Variants in FER observed in about 807,000 individuals in gnomAD.
The protein encoded by FER is FER tyrosine kinase.
A neutral mutation model predicts 111.0 loss-of-function variants in FER; 63 were observed. The observed-to-expected ratio is 0.57, with a 90% CI of 0.46 to 0.70. FER has a LOEUF of 0.70. Ranked by LOEUF, FER falls within the 30% of genes least tolerant of loss-of-function variation. The probability of loss-of-function intolerance (pLI) is 0.00; values close to 1 mark genes in which losing one functional copy is unlikely to be tolerated. For missense variants in FER, 914 were observed against 954.0 expected (o/e 0.96, Z 0.55); for synonymous variants, 327 against 313.9 (o/e 1.04, Z -0.44).
At chr5:109,119,446 G>C (rs527759867) in intron 17 of FER, among the ~76,000 whole-genome samples, 104 of 152,252 alleles carry the variant, frequency 6.8e-4, no homozygotes, top group Admixed American at 2.3e-3. Context: ...GTCAATTTTG[G>C]AATAAGTGCA....
At chr5:109,051,625 G>C in intron 16 of FER, 4 of 1,592,296 alleles carry the variant, frequency 2.5e-6, no homozygotes, top group Non-Finnish European at 2.6e-6. Flanking sequence ...AGACATAGGC[G>C]AGAGGGGAGC....
intron 10 of FER, among the ~76,000 whole-genome samples, chr5:108,910,032 C>T (rs1581160364): frequency 6.6e-6 from 1 of 151,846 alleles, no homozygotes; most frequent in African/African-American, 2.4e-5. Context: ...ATAATATGTA[C>T]TGCTCTTGTG....
rs909417167 is a variant in FER, at chr5:108,836,583, C to G, written c.481+776C>G. 3.0e-4 allele frequency among the ~76,000 whole-genome samples: 46 copies of G among 152,160 alleles called. No homozygotes were observed. The South Asian group carries it at 8.3e-3, about 27-fold the overall frequency. On this transcript the variant is annotated intron_variant, in intron 5 of 19. Transcript: ENST00000281092. ...CTAAATAAAGCGTTTATTAGAATCT[C>G]TATTTTATTTTGGTTCTTAAATTCA...
chr5:108,839,140 G>A (rs925656615), intron 5 of FER, among the ~76,000 whole-genome samples: 1 of 152,070 alleles, frequency 6.6e-6, no homozygotes, highest in African/African-American at 2.4e-5. Context: ...GCTGTTCATG[G>A]CCCATGTCAG....
chr5:109,014,663 T>C (rs972605803), intron 13 of FER, among the ~76,000 whole-genome samples: 26 of 152,178 alleles, frequency 1.7e-4, no homozygotes, highest in African/African-American at 6.3e-4. Flanking sequence ...ATCTATAAAT[T>C]ACCTTGGGCA....
intron 16 of FER, chr5:109,052,191 T>C (rs1772930518): frequency 1.2e-6 from 2 of 1,608,180 alleles, no homozygotes; most frequent in African/African-American, 2.7e-5. Flanking sequence ...GGTACAAGAG[T>C]ATGGGTACAG....
rs564691323 is a variant in FER, at chr5:108,808,258, A to AT, written c.207+9877dup. Among the ~76,000 whole-genome samples, 233 of 150,934 alleles carry AT rather than the reference A, an allele frequency of 1.5e-3. 1 individual carries two copies. The highest frequency in any genetic ancestry group is 2.7e-3 in the South Asian group (13 of 4,742). On this transcript the variant is annotated intron_variant, in intron 3 of 19. Transcript: ENST00000281092. ...TGTGTCTTTTTGTAGGTCTAGATGT[A>AT]TTTTTTTTGTGAATCTAGGTGCTTC...
Position 109,139,514 on chromosome 5 carries a change from T to A in FER, c.2048+38995T>A, listed in dbSNP as rs1753296511. Among the ~76,000 whole-genome samples the A allele has an allele frequency of 2.0e-5, 3 of 152,096 alleles. No homozygotes were observed. In the South Asian group the frequency reaches 6.2e-4, roughly 32 times the overall value. On this transcript the variant is annotated intron_variant, in intron 17 of 19. Coordinates refer to ENST00000281092, the MANE Select transcript of FER (RefSeq NM_005246.4). ...GGACATTGCTAAAAGATAGCAGTTT[T>A]TAAGAAAAAATGCTAAAAGAGAGCA...
chr5:108,955,941 G>A (rs1758367269), intron 12 of FER, among the ~76,000 whole-genome samples: 1 of 151,740 alleles, frequency 6.6e-6, no homozygotes, highest in Non-Finnish European at 1.5e-5. Context: ...GTAGGATTCA[G>A]TGGCATTTAG....
chr5:109,039,290 T>C (rs1409266339), intron 14 of FER, among the ~76,000 whole-genome samples: 1 of 152,052 alleles, frequency 6.6e-6, no homozygotes, highest in Non-Finnish European at 1.5e-5. Flanking sequence ...CTATAGTCGA[T>C]AGTTGGTATT....
chr5:109,165,754 T>G (rs1275154384), intron 17 of FER, among the ~76,000 whole-genome samples: 1 of 152,138 alleles, frequency 6.6e-6, no homozygotes, highest in Non-Finnish European at 1.5e-5. Context: ...GGTAAACATA[T>G]GTAACATACA....
At chr5:109,079,334 G>A (rs1410440841) in intron 16 of FER, among the ~76,000 whole-genome samples, 1 of 152,066 alleles carries the variant, frequency 6.6e-6, no homozygotes, top group Non-Finnish European at 1.5e-5. Context: ...TGTTTATTGG[G>A]AGGGGTGGGG....
At chr5:109,052,532 T>C (rs909573030) in intron 16 of FER, 108 of 713,794 alleles carry the variant, frequency 1.5e-4, no homozygotes, top group Non-Finnish European at 2.4e-4. Context: ...GAGGATGAAG[T>C]AAAATGAAAA....
Position 109,115,662 on chromosome 5 carries a change from T to C in FER, c.2048+15143T>C, listed in dbSNP as rs1401150208. ...ACAGATTTTGTGCAGTTTTTGTTTG[T>C]TTGTTTGTTTGTTTGTTTGTTTGGC... On this transcript the variant is annotated intron_variant, in intron 17 of 19. Coordinates refer to ENST00000281092, the MANE Select transcript of FER (RefSeq NM_005246.4). Among the ~76,000 whole-genome samples the C allele has an allele frequency of 3.3e-5, 5 of 151,722 alleles. No individual in the cohort carries two copies. In the South Asian group the frequency reaches 1.0e-3, roughly 31 times the overall value.
At chr5:108,915,556 G>T (rs543474287) in intron 10 of FER, among the ~76,000 whole-genome samples, 1 of 151,820 alleles carries the variant, frequency 6.6e-6, no homozygotes, top group South Asian at 2.1e-4. Flanking sequence ...AGTTTTTATG[G>T]AGCCTGAGCG....
chr5:108,994,178 T>G (rs1763699373), intron 13 of FER, among the ~76,000 whole-genome samples: 1 of 152,236 alleles, frequency 6.6e-6, no homozygotes, highest in South Asian at 2.1e-4. Flanking sequence ...TTTTGATATA[T>G]TAATCATGAA....
chr5:109,030,657 G>C (rs1046408385), intron 13 of FER, among the ~76,000 whole-genome samples: 1 of 152,132 alleles, frequency 6.6e-6, no homozygotes, highest in African/African-American at 2.4e-5. Context: ...GTTTCACTGA[G>C]GAAGGGCATC....
At chr5:108,850,662 G>A (rs76713790) in intron 5 of FER, among the ~76,000 whole-genome samples, 2,423 of 151,896 alleles carry the variant, frequency 0.016, 75 homozygotes, top group African/African-American at 0.056. Context: ...CTTGTCAAGG[G>A]ATTTCTGAAG....
intron 16 of FER, among the ~76,000 whole-genome samples, chr5:109,065,610 C>T (rs1416299169): frequency 1.3e-5 from 2 of 152,100 alleles, no homozygotes; most frequent in Non-Finnish European, 2.9e-5. Context: ...AATCCTAGCA[C>T]TTTGGGAGCC....
Sources: gnomAD v4.1 joint callset for allele counts (sites outside exome capture counted in the v4.1 genomes callset) on GRCh38, gnomAD v4.1.1 for gene constraint, MANE v1.5 for transcripts, NCBI Gene and HGNC (gene_info 2026-07-23, HGNC 2026-07-21) for gene names.